Variants in GYG2 observed in about 807,000 individuals in gnomAD.
The protein encoded by GYG2 is glycogenin-2.
A neutral mutation model predicts 29.4 loss-of-function variants in GYG2; 29 were observed. That is an observed-to-expected ratio of 0.99 (90% CI 0.74 to 1.35). The LOEUF (loss-of-function observed/expected upper bound fraction) is 1.35. Among genes scored for constraint, GYG2 ranks in the 40% most tolerant of loss-of-function variants. The pLI, the probability that GYG2 is intolerant of heterozygous loss-of-function variation, is 0.00. For synonymous variants in GYG2, 167 were observed against 172.3 expected (o/e 0.97, Z 0.24); for missense variants, 370 against 385.7 (o/e 0.96, Z 0.34).
intron 6 of GYG2, among the ~76,000 whole-genome samples, chrX:2,856,927 A>G (rs751751127): frequency 5.5e-5 from 6 of 109,286 alleles, no homozygotes; most frequent in African/African-American, 2.0e-4. Context: ...ATATCTGTCT[A>G]TATAGTTATC....
At chrX:2,875,256 C>T (rs956158607) in intron 8 of GYG2, among the ~76,000 whole-genome samples, 3 of 111,353 alleles carry the variant, frequency 2.7e-5, no homozygotes, top group African/African-American at 3.3e-5. Context: ...GAGGATTAGG[C>T]GCTGTTGCTG....
chrX:2,835,695 G>A (rs1030264512), intron 2 of GYG2, among the ~76,000 whole-genome samples: 3 of 110,215 alleles, frequency 2.7e-5, no homozygotes, highest in Non-Finnish European at 5.7e-5. Context: ...GAAGAGGCAG[G>A]AAGGACCCTT....
chrX:2,844,284 G>A (rs765530118), intron 3 of GYG2, among the ~76,000 whole-genome samples: 109 of 111,972 alleles, frequency 9.7e-4, no homozygotes, highest in African/African-American at 3.2e-3. Context: ...GAAACTGGAA[G>A]TTTTAAATGA....
At chrX:2,856,669 G>T (rs1322896079) in intron 6 of GYG2, 45 bp downstream of exon 6, 1 of 1,113,063 alleles carries the variant, frequency 9.0e-7, no homozygotes, top group South Asian at 2.0e-5. Context: ...TGCCACTACC[G>T]ATCCACCTTC....
At chrX:2,848,886 G>C (rs2087805491) in intron 3 of GYG2, among the ~76,000 whole-genome samples, 1 of 110,695 alleles carries the variant, frequency 9.0e-6, no homozygotes, top group Non-Finnish European at 1.9e-5. Flanking sequence ...AGGTTTTGTG[G>C]GACCTTTTAT....
rs749509275 is a variant in GYG2, at chrX:2,855,076, C to T, written c.408C>T (p.Ser136=). ...CCGGATGGCCGGATTGCTTCAATAG[C>T]GGGGTGTTTGTCTTCCAGCCTTCTC... The part of the protein sequence containing the change: ...PDPGWPDCFN[S]GVFVFQPSLH... The change falls in exon 5 of 11, where the codon AGC becomes AGT. Residue 136 remains serine (S), a synonymous_variant. Coordinates refer to ENST00000398806, the MANE Select transcript of GYG2 (RefSeq NM_001079855.2). The T allele has an allele frequency of 5.8e-6, 7 of 1,208,899 alleles. No individual in the cohort carries two copies. Among genetic ancestry groups the T allele is most frequent in the East Asian group, 3.0e-5 (1 of 33,758 alleles).
At chrX:2,861,986 G>A (rs1258622082) in intron 8 of GYG2, among the ~76,000 whole-genome samples, 1 of 111,983 alleles carries the variant, frequency 8.9e-6, no homozygotes, top group African/African-American at 3.2e-5. Context: ...TTGCAGTTGT[G>A]ATTAAATGAG....
intron 6 of GYG2, among the ~76,000 whole-genome samples, chrX:2,856,965 A>G (rs1409498597): frequency 1.4e-3 from 1 of 719 alleles, no homozygotes; most frequent in Admixed American, 0.029. Context: ...ACATCTGTTT[A>G]TCTATCTATC....
chrX:2,844,755 C>T (rs62582302), intron 3 of GYG2, among the ~76,000 whole-genome samples: 2,282 of 4,595 alleles, frequency 0.5, 1,129 homozygotes, highest in Non-Finnish European at 0.96. Flanking sequence ...TGTGTATACG[C>T]ACACGTATGT....
intron 3 of GYG2, among the ~76,000 whole-genome samples, chrX:2,851,026 A>G (rs763124114): frequency 2.7e-5 from 3 of 112,116 alleles, no homozygotes; most frequent in Non-Finnish European, 3.8e-5. Flanking sequence ...TATAACCGTG[A>G]TCATAATAAA....
chrX:2,830,794 C>A, intron 2 of GYG2, among the ~76,000 whole-genome samples: 1 of 111,997 alleles, frequency 8.9e-6, no homozygotes, highest in Non-Finnish European at 1.9e-5. Context: ...ATTGCGGCAC[C>A]TGCCTGTAGT....
At chrX:2,853,444 T>C (rs1423874204) in intron 3 of GYG2, 3 of 111,360 alleles carry the variant, frequency 2.7e-5, no homozygotes, top group African/African-American at 9.8e-5. Flanking sequence ...TGACCTCAAG[T>C]GATCCGGCTG....
At chrX:2,831,490 C>T (rs907999329) in intron 2 of GYG2, among the ~76,000 whole-genome samples, 8 of 111,789 alleles carry the variant, frequency 7.2e-5, no homozygotes, top group South Asian at 3.8e-4. Flanking sequence ...TGAAAATTGT[C>T]GGGGCAGGGA....
Position 2,856,595 on chromosome X carries a change from G to A in GYG2, c.585G>A (p.Thr195=), listed in dbSNP as rs772837599. 71 of 1,203,912 alleles carry A rather than the reference G, an allele frequency of 5.9e-5. No homozygotes were observed. Among genetic ancestry groups the A allele is most frequent in the Non-Finnish European group, 7.9e-5 (70 of 891,301 alleles). Residue 195 remains threonine, a synonymous_variant, in exon 6 of 11, where the codon ACG becomes ACA. Transcript: ENST00000398806. ...TCATCTATAACTTGAGTAGTAACAC[G>A]ATGTACACTTACAGCCCTGCCTTCA... ...LPFIYNLSSN[T]MYTYSPAFKQ...
intron 3 of GYG2, among the ~76,000 whole-genome samples, chrX:2,844,875 T>C (rs2087627481): frequency 9.3e-6 from 1 of 107,792 alleles, no homozygotes; most frequent in South Asian, 3.8e-4. Flanking sequence ...GGTATGCGTA[T>C]ATACACATGT....
intron 3 of GYG2, among the ~76,000 whole-genome samples, chrX:2,848,171 T>A (rs984552758): frequency 8.9e-6 from 1 of 111,915 alleles, no homozygotes; most frequent in Admixed American, 9.6e-5. Context: ...GAAAACACTT[T>A]AGGGGTTTGC....
At chrX:2,870,392 G>A (rs141610819) in intron 8 of GYG2, among the ~76,000 whole-genome samples, 1,169 of 110,075 alleles carry the variant, frequency 0.011, 14 homozygotes, top group African/African-American at 0.036. Flanking sequence ...TAGTAGAGCC[G>A]GGTTTTCAGC....
At chrX:2,852,762 T>C (rs919235958) in intron 3 of GYG2, 1 of 111,849 alleles carries the variant, frequency 8.9e-6, no homozygotes, top group Non-Finnish European at 1.9e-5. Flanking sequence ...CAAGTATGCA[T>C]GCATTTCTTT....
intron 3 of GYG2, among the ~76,000 whole-genome samples, chrX:2,851,292 C>T (rs2087866354): frequency 9.0e-6 from 1 of 111,609 alleles, no homozygotes; most frequent in African/African-American, 3.3e-5. Flanking sequence ...GTCGCCCAGG[C>T]CGGAGTGCAG....
Sources: gnomAD v4.1 joint callset for allele counts (sites outside exome capture counted in the v4.1 genomes callset) on GRCh38, gnomAD v4.1.1 for gene constraint, MANE v1.5 for transcripts, NCBI Gene and HGNC (gene_info 2026-07-23, HGNC 2026-07-21) for gene names.